Variants in ZBTB34 observed in about 807,000 individuals in gnomAD.
ZBTB34 encodes the protein zinc finger and BTB domain-containing protein 34.
ZBTB34 carries 1 observed loss-of-function variant against 33.4 expected under a neutral mutation model. That is an observed-to-expected ratio of 0.03 (90% CI 0.01 to 0.14). ZBTB34 has a LOEUF of 0.14. Among genes scored for constraint, ZBTB34 ranks in the 10% least tolerant of loss-of-function variants. The pLI is 1.00. For missense variants in ZBTB34, 406 were observed against 657.2 expected (o/e 0.62, Z 4.18); for synonymous variants, 283 against 253.5 (o/e 1.12, Z -1.11).
rs754928414 is a variant in ZBTB34, at chr9:126,880,511, C to T, written c.1112C>T (p.Pro371Leu). The change falls in exon 2 of 2, where the codon CCG becomes CTG. Residue 371 changes from proline to leucine, a missense_variant. By Grantham distance (98) the Pro-to-Leu change is moderately conservative. Around this residue, in one of 6 missense-constraint regions of ZBTB34, gnomAD observed 123 missense variants for 140.4 expected, o/e 0.88. Transcript: ENST00000319119. This position sits in a 1 kb window ranked among gnomAD's most constrained non-coding sequence, Gnocchi z 6.7. ...AGGAGTGCGAGAGGGCATTGGTACC[C>T]GTACAATGAGAGGTTGATCTGTATT... The T allele has an allele frequency of 9.9e-6, 16 of 1,613,682 alleles. No homozygotes were observed. The highest frequency in any genetic ancestry group is 5.0e-5 in the Admixed American group (3 of 59,984).
chr9:126,861,872 C>T (rs537432199), intron 1 of ZBTB34, among the ~76,000 whole-genome samples: 3 of 152,330 alleles, frequency 2.0e-5, no homozygotes, highest in Admixed American at 1.3e-4. Context: ...CTCCCCCATC[C>T]TTCCTTTATG....
At chr9:126,867,657 G>A (rs897698476) in intron 1 of ZBTB34, among the ~76,000 whole-genome samples, 2 of 151,288 alleles carry the variant, frequency 1.3e-5, no homozygotes, top group South Asian at 2.1e-4. Context: ...TTACGTTGTC[G>A]AATGTATTTG....
intron 1 of ZBTB34, among the ~76,000 whole-genome samples, chr9:126,866,567 A>G (rs940829855): frequency 1.3e-5 from 2 of 152,008 alleles, no homozygotes; most frequent in African/African-American, 2.4e-5. Context: ...ATCTTCCTCC[A>G]TGAAGTTTTC....
chr9:126,874,787 A>C (rs886129506), intron 1 of ZBTB34, among the ~76,000 whole-genome samples: 18 of 152,260 alleles, frequency 1.2e-4, no homozygotes, highest in African/African-American at 4.3e-4. Flanking sequence ...CAGCACCCCG[A>C]TGCCCACATG....
At chr9:126,866,264 C>T (rs1288774861) in intron 1 of ZBTB34, among the ~76,000 whole-genome samples, 6 of 152,174 alleles carry the variant, frequency 3.9e-5, no homozygotes, top group Non-Finnish European at 7.3e-5. Context: ...CGTGAAAAAC[C>T]TGAGCCCAGC....
exon 2 of ZBTB34, chr9:126,882,764 C>G (rs754715500): frequency 6.0e-6 from 1 of 167,032 alleles, no homozygotes; most frequent in Non-Finnish European, 1.5e-5. Flanking sequence ...TTTTTTGGCT[C>G]CTAAAATACC....
chr9:126,876,702 G>C (rs994976174), intron 1 of ZBTB34, among the ~76,000 whole-genome samples: 1 of 152,286 alleles, frequency 6.6e-6, no homozygotes, highest in Middle Eastern at 3.4e-3. Flanking sequence ...CATGCATCTA[G>C]AACAGTGTGA....
intron 1 of ZBTB34, chr9:126,863,709 C>A (rs982738344): frequency 1.1e-5 from 11 of 985,390 alleles, no homozygotes; most frequent in African/African-American, 7.0e-5. Context: ...GAATGCAAGT[C>A]AAGGTGAGCT....
At chr9:126,871,220 G>C (rs1205254809) in intron 1 of ZBTB34, among the ~76,000 whole-genome samples, 4 of 150,492 alleles carry the variant, frequency 2.7e-5, no homozygotes, top group Non-Finnish European at 5.9e-5. Flanking sequence ...TGTGTGGAGT[G>C]GGGGTGACAT....
chr9:126,882,870 G>GC (rs1214151120), exon 2 of ZBTB34: 1 of 167,042 alleles, frequency 6.0e-6, no homozygotes, highest in Non-Finnish European at 1.5e-5. Context: ...TGGCAGCTGT[G>GC]CAGTCGCATC....
At chr9:126,863,699 G>T (rs778260029) in intron 1 of ZBTB34, 16 of 985,300 alleles carry the variant, frequency 1.6e-5, no homozygotes, top group Non-Finnish European at 1.9e-5. Context: ...CCTCATGGAA[G>T]AATGCAAGTC....
chr9:126,879,549 C>T lies in ZBTB34; in HGVS notation c.150C>T (p.His50=), dbSNP rs1564225734. 1.9e-6 allele frequency: 3 copies of T among 1,613,966 alleles called. No homozygotes were observed. The highest frequency in any genetic ancestry group is 1.7e-5 in the Admixed American group (1 of 60,030). ...TTCAGGGTCAGCCATTCCGAGCCCA[C>T]AAAGCAGTCCTTGCTGCCAGCTCCC... The change falls in exon 2 of 2, where the codon CAC becomes CAT. Residue 50 remains histidine (H), a synonymous_variant. Coordinates refer to ENST00000319119, the Ensembl canonical transcript of ZBTB34. This position sits in a 1 kb window ranked among gnomAD's most constrained non-coding sequence, Gnocchi z 6.4.
At chr9:126,864,287 A>T (rs1441682302) in intron 1 of ZBTB34, among the ~76,000 whole-genome samples, 3 of 152,182 alleles carry the variant, frequency 2.0e-5, no homozygotes, top group Non-Finnish European at 4.4e-5. Context: ...GAATGGGGAT[A>T]ACTGCAGCCT....
At chr9:126,862,915 CTTT>C (rs11363063) in intron 1 of ZBTB34, among the ~76,000 whole-genome samples, 3 of 144,712 alleles carry the variant, frequency 2.1e-5, no homozygotes, top group Non-Finnish European at 1.5e-5. Flanking sequence ...TGTAATTTGC[CTTT>C]TTTTTTTTTT....
chr9:126,862,796 T>G (rs2033158705), intron 1 of ZBTB34, among the ~76,000 whole-genome samples: 1 of 152,186 alleles, frequency 6.6e-6, no homozygotes, highest in Non-Finnish European at 1.5e-5. Context: ...CATTGTGTCT[T>G]AATACTCCTC....
Position 126,880,581 on chromosome 9 carries a change from C to T in ZBTB34, c.1182C>T (p.His394=), listed in dbSNP as rs1445331369. ...ACCAGAAAGGAAGCCTTGATAGGCA[C>T]ATGCGACTCCATATGGGAATCACCC... The change falls in exon 2 of 2, where the codon CAC becomes CAT. Residue 394 remains histidine, a synonymous_variant. Transcript: ENST00000319119. This position sits in a 1 kb window ranked among gnomAD's most constrained non-coding sequence, Gnocchi z 6.7. 4 of 1,613,782 alleles carry T rather than the reference C, an allele frequency of 2.5e-6. No individual in the cohort carries two copies. In the African/African-American group the frequency reaches 4.0e-5, roughly 16 times the overall value.
exon 2 of ZBTB34, chr9:126,884,749 A>G (rs571606): frequency 0.11 from 17,533 of 166,972 alleles, 1,043 homozygotes; most frequent in Middle Eastern, 0.13. Flanking sequence ...GGCTGGGGGG[A>G]AAATCATCTA....
chr9:126,866,141 C>T (rs1423831265), intron 1 of ZBTB34, among the ~76,000 whole-genome samples: 4 of 151,826 alleles, frequency 2.6e-5, no homozygotes, highest in Admixed American at 6.6e-5. Context: ...TTTCCCTCCC[C>T]GAGTAACCTC....
At chr9:126,883,806 A>G (rs187448137) in exon 2 of ZBTB34, 192 of 167,268 alleles carry the variant, frequency 1.1e-3, no homozygotes, top group Admixed American at 2.0e-3. Flanking sequence ...GAGCGTTCGC[A>G]CTGTCATGCT....
Sources: gnomAD v4.1 joint callset for allele counts (sites outside exome capture counted in the v4.1 genomes callset) on GRCh38, gnomAD v4.1.1 for gene constraint, gnomAD v4.1.1 regional missense constraint, Gnocchi (gnomAD v3.1) non-coding constraint, MANE v1.5 for transcripts, NCBI Gene and HGNC (gene_info 2026-07-23, HGNC 2026-07-21) for gene names.